CCDC170: variants seen among roughly 807,000 people sequenced by gnomAD.
CCDC170 encodes coiled-coil domain-containing protein 170.
A neutral mutation model predicts 72.6 loss-of-function variants in CCDC170; 69 were observed. The ratio of observed to expected loss-of-function variants is 0.95; its 90% CI spans 0.78 to 1.16. The LOEUF is 1.16. Ranked by LOEUF, CCDC170 falls within the 50% of genes most tolerant of loss-of-function variation. The probability of loss-of-function intolerance (pLI) is 0.00; values close to 1 mark genes in which losing one functional copy is unlikely to be tolerated. For synonymous variants in CCDC170, 300 were observed against 303.9 expected (o/e 0.99, Z 0.13); for missense variants, 852 against 832.5 (o/e 1.02, Z -0.29).
intron 1 of CCDC170, among the ~76,000 whole-genome samples, chr6:151,504,362 C>G (rs1782037481): frequency 6.6e-6 from 1 of 151,880 alleles, no homozygotes; most frequent in South Asian, 2.1e-4. Flanking sequence ...TTGTTTCACT[C>G]CAACTATGGA....
rs1781875608 is a variant in CCDC170, at chr6:151,494,166, C to T, written c.38C>T (p.Ala13Val). 2.6e-6 allele frequency: 4 copies of T among 1,522,750 alleles called. No homozygotes were observed. The highest frequency in any genetic ancestry group is 2.6e-6 in the Non-Finnish European group (3 of 1,139,686). 94.3% of individuals were successfully genotyped at this position (1,522,750 alleles called of 1,614,324 possible). A position where few individuals can be genotyped will look rare whatever the true frequency, so the allele number is the denominator to read the frequency against. The change falls in exon 1 of 11, where the codon GCC (alanine) becomes GTC (valine). Residue 13 changes from alanine (A) to valine (V), a missense_variant. Transcript: ENST00000239374. ...TGCACCAGCCATATCGCGCTGGGTG[C>T]CGCTTCGCCAGCGCCCGAGGTACGG... is the stretch of plus-strand genomic sequence containing the variant. ...LDCTSHIALG[A>V]ASPAPEETYD...
At chr6:151,594,328 G>C (rs1227432974) in intron 8 of CCDC170, among the ~76,000 whole-genome samples, 1 of 152,104 alleles carries the variant, frequency 6.6e-6, no homozygotes, top group Non-Finnish European at 1.5e-5. Context: ...TATTTAAGAT[G>C]GGGATGCTAT....
chr6:151,531,162 G>A (rs1471375847), intron 1 of CCDC170, among the ~76,000 whole-genome samples: 2 of 152,156 alleles, frequency 1.3e-5, no homozygotes, highest in African/African-American at 4.8e-5. Flanking sequence ...CAAGAAGATG[G>A]TATTAGGAGA....
intron 7 of CCDC170, 147 bp from the exon 8 acceptor site, chr6:151,592,960 A>G: frequency 1.3e-6 from 1 of 788,830 alleles, no homozygotes; most frequent in East Asian, 2.7e-5. Context: ...ATTTATTACC[A>G]CATATGGGTC....
intron 1 of CCDC170, among the ~76,000 whole-genome samples, chr6:151,510,164 A>T (rs986448499): frequency 1.3e-5 from 2 of 152,184 alleles, no homozygotes; most frequent in Admixed American, 6.5e-5. Context: ...ACAACAAAAA[A>T]ACATTCTGAG....
chr6:151,547,864 T>TA (rs1304077078), intron 4 of CCDC170, among the ~76,000 whole-genome samples: 9 of 152,230 alleles, frequency 5.9e-5, no homozygotes, highest in Non-Finnish European at 1.0e-4. Flanking sequence ...CCTATGCTTA[T>TA]ATTACATAGA....
intron 1 of CCDC170, among the ~76,000 whole-genome samples, chr6:151,505,087 G>T (rs1782048212): frequency 6.6e-6 from 1 of 152,144 alleles, no homozygotes; most frequent in Admixed American, 6.5e-5. Flanking sequence ...ACCTGGACTT[G>T]GTGGCCCGCG....
intron 8 of CCDC170, among the ~76,000 whole-genome samples, chr6:151,593,555 T>G (rs1339439672): frequency 2.0e-5 from 3 of 152,160 alleles, no homozygotes; most frequent in African/African-American, 7.2e-5. Flanking sequence ...TTGTTTTTTC[T>G]CACACAAATT....
intron 6 of CCDC170, among the ~76,000 whole-genome samples, chr6:151,583,252 C>A (rs941384482): frequency 6.6e-6 from 1 of 151,818 alleles, no homozygotes; most frequent in Non-Finnish European, 1.5e-5. Context: ...CTTGGCCTCC[C>A]AAAGTGCTGG....
At chr6:151,605,466 T>G (rs1197426183) in intron 9 of CCDC170, among the ~76,000 whole-genome samples, 3 of 152,214 alleles carry the variant, frequency 2.0e-5, no homozygotes, top group Non-Finnish European at 4.4e-5. Context: ...TTTCCTTCAG[T>G]CAGGTTAAAG....
intron 5 of CCDC170, among the ~76,000 whole-genome samples, chr6:151,553,656 A>T (rs922950166): frequency 6.6e-6 from 1 of 152,150 alleles, no homozygotes; most frequent in Non-Finnish European, 1.5e-5. Context: ...ACTTGTAATG[A>T]CTGATGCAAT....
intron 6 of CCDC170, among the ~76,000 whole-genome samples, chr6:151,574,686 C>T (rs1044680203): frequency 6.6e-6 from 1 of 152,128 alleles, no homozygotes; most frequent in Non-Finnish European, 1.5e-5. Flanking sequence ...TGCTGCCCAG[C>T]TGGGTCAGGT....
chr6:151,550,819 C>T (rs1023702823), intron 5 of CCDC170, among the ~76,000 whole-genome samples: 1 of 152,078 alleles, frequency 6.6e-6, no homozygotes, highest in Admixed American at 6.6e-5. Context: ...GATGTCTTTC[C>T]TTCTAAGGGC....
intron 1 of CCDC170, among the ~76,000 whole-genome samples, chr6:151,530,067 T>A (rs1241099882): frequency 6.6e-6 from 1 of 152,206 alleles, no homozygotes; most frequent in African/African-American, 2.4e-5. Flanking sequence ...AAAAATATAA[T>A]TTTTAATTAC....
chr6:151,532,892 G>A (rs1480405480), intron 1 of CCDC170, among the ~76,000 whole-genome samples: 1 of 152,152 alleles, frequency 6.6e-6, no homozygotes. Context: ...TTTAAGCCCT[G>A]CTGCCACTAT....
intron 9 of CCDC170, among the ~76,000 whole-genome samples, chr6:151,612,827 G>GA (rs1554227186): frequency 1.3e-5 from 2 of 150,176 alleles, no homozygotes. Flanking sequence ...TTTCTTACTT[G>GA]TTTTTTTTTA....
At chr6:151,520,029 C>A (rs1229502706) in intron 1 of CCDC170, among the ~76,000 whole-genome samples, 1 of 152,188 alleles carries the variant, frequency 6.6e-6, no homozygotes, top group Non-Finnish European at 1.5e-5. Context: ...GAATGCCTAA[C>A]CTCTGGGAGA....
At chr6:151,593,691 G>C (rs554709193) in intron 8 of CCDC170, among the ~76,000 whole-genome samples, 2 of 152,186 alleles carry the variant, frequency 1.3e-5, no homozygotes, top group South Asian at 4.1e-4. Flanking sequence ...GGTTCCAAAT[G>C]GTGCCCAGAA....
chr6:151,549,106 C>T (rs1431704153), intron 5 of CCDC170, among the ~76,000 whole-genome samples: 1 of 152,012 alleles, frequency 6.6e-6, no homozygotes, highest in East Asian at 1.9e-4. Context: ...GGGGTTTCAC[C>T]GTGTTAGTCA....
Sources: allele counts gnomAD v4.1 joint callset (sites outside exome capture counted in the v4.1 genomes callset), GRCh38; gene constraint gnomAD v4.1.1; transcripts MANE v1.5; gene names NCBI Gene and HGNC (gene_info 2026-07-23, HGNC 2026-07-21).